The following GAREM1 variants were observed in gnomAD, a reference collection of about 807,000 sequenced individuals.
The protein encoded by GAREM1 is GRB2 associated regulator of MAPK1 subtype 1.
GAREM1 carries 26 observed loss-of-function variants against 71.3 expected under a neutral mutation model. The observed-to-expected ratio is 0.36, with a 90% CI of 0.27 to 0.51. GAREM1 has a LOEUF of 0.51. Ranked by LOEUF, GAREM1 falls within the 20% of genes least tolerant of loss-of-function variation. GAREM1 has a pLI of 0.95. For missense variants in GAREM1, 1,026 were observed against 1,103.1 expected (o/e 0.93, Z 0.99); for synonymous variants, 440 against 433.2 (o/e 1.02, Z -0.20).
intron 1 of GAREM1, among the ~76,000 whole-genome samples, chr18:32,465,618 T>C (rs1017585553): frequency 6.6e-6 from 1 of 152,200 alleles, no homozygotes; most frequent in African/African-American, 2.4e-5. Context: ...TGGTCTTCCT[T>C]TTCCTTTCAG....
intron 2 of GAREM1, among the ~76,000 whole-genome samples, chr18:32,384,722 T>A (rs2048129284): frequency 6.6e-6 from 1 of 152,214 alleles, no homozygotes; most frequent in Admixed American, 6.5e-5. Flanking sequence ...CATCTCATCA[T>A]GAAATCCATT....
chr18:32,397,000 T>C (rs907303662), intron 1 of GAREM1, among the ~76,000 whole-genome samples: 3 of 152,138 alleles, frequency 2.0e-5, no homozygotes, highest in Non-Finnish European at 4.4e-5. Flanking sequence ...GGGGCCAATA[T>C]TCAACATTCT....
At chr18:32,303,814 A>G (rs1302226438) in intron 3 of GAREM1, among the ~76,000 whole-genome samples, 3 of 152,120 alleles carry the variant, frequency 2.0e-5, no homozygotes, top group East Asian at 1.9e-4. Flanking sequence ...CTAGCTATTC[A>G]GGAGGCTGAA....
At chr18:32,401,811 G>A (rs1250960727) in intron 1 of GAREM1, among the ~76,000 whole-genome samples, 2 of 152,134 alleles carry the variant, frequency 1.3e-5, no homozygotes, top group Non-Finnish European at 2.9e-5. Flanking sequence ...ATCCCACAGT[G>A]GGCTCTAAAG....
intron 4 of GAREM1, among the ~76,000 whole-genome samples, chr18:32,283,191 T>C (rs1372622023): frequency 6.6e-6 from 1 of 152,186 alleles, no homozygotes; most frequent in African/African-American, 2.4e-5. Context: ...GACATTCCCG[T>C]GAGGAAGAGA....
At chr18:32,366,193 C>G (rs1458690108) in intron 2 of GAREM1, among the ~76,000 whole-genome samples, 1 of 152,146 alleles carries the variant, frequency 6.6e-6, no homozygotes, top group Non-Finnish European at 1.5e-5. Context: ...TTTAGTTCCC[C>G]CAACTCTACC....
intron 3 of GAREM1, among the ~76,000 whole-genome samples, chr18:32,299,635 T>G (rs2047180718): frequency 6.6e-6 from 1 of 152,056 alleles, no homozygotes; most frequent in Admixed American, 6.5e-5. Context: ...CTGACCTCTC[T>G]GGAATATAGC....
At chr18:32,381,218 T>G (rs2048094475) in intron 2 of GAREM1, among the ~76,000 whole-genome samples, 1 of 152,138 alleles carries the variant, frequency 6.6e-6, no homozygotes, top group African/African-American at 2.4e-5. Context: ...AGGACATTCT[T>G]GCCATCTAGA....
intron 4 of GAREM1, among the ~76,000 whole-genome samples, chr18:32,280,721 T>C (rs1006317100): frequency 3.9e-5 from 6 of 152,228 alleles, no homozygotes; most frequent in Non-Finnish European, 8.8e-5. Flanking sequence ...AAAGAATGTT[T>C]TGCTATTTTT....
In GAREM1 at chr18:32,268,006, G is replaced by A; in HGVS notation, c.2496C>T (p.Phe832=). The A allele has an allele frequency of 2.5e-6, 4 of 1,614,086 alleles. No individual in the cohort carries two copies. The highest frequency in any genetic ancestry group is 3.4e-6 in the Non-Finnish European group (4 of 1,179,980). ...FIGLSEDVIS[F]FVTEKIDGNL... is the part of the protein sequence containing the mutation. ...TCCCATCAATCTTTTCAGTAACAAA[G>A]AATGATATGACATCTTCGGACAAAC... Residue 832 remains phenylalanine, a synonymous_variant, in exon 6 of 6, where the codon TTC becomes TTT. Transcript: ENST00000269209.
chr18:32,381,725 T>G (rs114038855), intron 2 of GAREM1, among the ~76,000 whole-genome samples: 1,941 of 152,346 alleles, frequency 0.013, 53 homozygotes, highest in African/African-American at 0.045. Flanking sequence ...AAAAGCAGAT[T>G]CTGGGAGGAA....
intron 1 of GAREM1, among the ~76,000 whole-genome samples, chr18:32,429,231 A>C (rs1475581600): frequency 6.6e-6 from 1 of 152,148 alleles, no homozygotes; most frequent in East Asian, 1.9e-4. Flanking sequence ...TTAAAACTAT[A>C]TGTCATTCTA....
intron 2 of GAREM1, among the ~76,000 whole-genome samples, chr18:32,377,880 T>A (rs2048048190): frequency 6.6e-6 from 1 of 152,128 alleles, no homozygotes; most frequent in Admixed American, 6.5e-5. Flanking sequence ...TATTTCTTAA[T>A]GGTTCCTGCA....
intron 1 of GAREM1, among the ~76,000 whole-genome samples, chr18:32,434,686 T>G (rs1370281605): frequency 6.6e-6 from 1 of 151,946 alleles, no homozygotes; most frequent in Admixed American, 6.6e-5. Flanking sequence ...GCAAATCTTC[T>G]CTACAGAAGA....
At chr18:32,422,884 G>A (rs2048533139) in intron 1 of GAREM1, among the ~76,000 whole-genome samples, 1 of 152,142 alleles carries the variant, frequency 6.6e-6, no homozygotes, top group Non-Finnish European at 1.5e-5. Context: ...TTTTATAATT[G>A]AGGAAATATG....
chr18:32,464,575 T>C (rs2048981753), intron 1 of GAREM1, among the ~76,000 whole-genome samples: 1 of 152,234 alleles, frequency 6.6e-6, no homozygotes, highest in East Asian at 1.9e-4. Context: ...TATAACACTT[T>C]CTGTCTGATA....
chr18:32,342,679 CTCTT>C (rs1567971817), intron 2 of GAREM1, among the ~76,000 whole-genome samples: 1 of 152,202 alleles, frequency 6.6e-6, no homozygotes, highest in African/African-American at 2.4e-5. Flanking sequence ...CTTGAGGACA[CTCTT>C]TGTTTGGAAT....
At chr18:32,445,962 T>TA (rs1048283319) in intron 1 of GAREM1, among the ~76,000 whole-genome samples, 3 of 152,070 alleles carry the variant, frequency 2.0e-5, no homozygotes, top group African/African-American at 7.2e-5. Context: ...CATGTTGAGG[T>TA]AAAATGCATG....
In GAREM1 at chr18:32,470,447, T is replaced by C; in HGVS notation, c.-19A>G. 1 of 1,347,070 alleles carries C rather than the reference T, an allele frequency of 7.4e-7. No individual in the cohort carries two copies. The allele number at this position is 1,347,070 out of a possible 1,614,324, so 83.4% of individuals were successfully genotyped here. A position where few individuals can be genotyped will look rare whatever the true frequency, so the allele number is the denominator to read the frequency against. On this transcript the variant is annotated 5_prime_UTR_variant, in exon 1 of 6. Transcript: ENST00000269209. This position sits in a 1 kb window ranked among gnomAD's most constrained non-coding sequence, Gnocchi z 4.4. ...GGTCCATCTTCCCCGAAGCCTCCTGTCCCGCGCTCCCCCGCCGCCGCCACC... is the reference window on the plus strand; with the variant it reads ...GGTCCATCTTCCCCGAAGCCTCCTGCCCCGCGCTCCCCCGCCGCCGCCACC...
Sources: gnomAD v4.1 joint callset for allele counts (sites outside exome capture counted in the v4.1 genomes callset) on GRCh38, gnomAD v4.1.1 for gene constraint, Gnocchi (gnomAD v3.1) non-coding constraint, MANE v1.5 for transcripts, NCBI Gene and HGNC (gene_info 2026-07-23, HGNC 2026-07-21) for gene names.